SUMF1: variants seen among roughly 807,000 people sequenced by gnomAD.
SUMF1 encodes the protein sulfatase modifying factor 1, also known as formylglycine-generating enzyme.
SUMF1 carries 48 observed loss-of-function variants against 47.6 expected under a neutral mutation model. The ratio of observed to expected loss-of-function variants is 1.01; its 90% CI spans 0.80 to 1.28. The LOEUF is 1.28. SUMF1 is among the 50% of genes most tolerant of loss of function. The probability of loss-of-function intolerance (pLI) is 0.00; values close to 1 mark genes in which losing one functional copy is unlikely to be tolerated. For missense variants in SUMF1, 571 were observed against 485.4 expected (o/e 1.18, Z -1.66); for synonymous variants, 230 against 192.1 (o/e 1.20, Z -1.63).
chr3:4,077,615 A>T (rs1404021970), intron 8 of SUMF1, among the ~76,000 whole-genome samples: 1 of 152,036 alleles, frequency 6.6e-6, no homozygotes, highest in Non-Finnish European at 1.5e-5. Context: ...ATGAGAGCAC[A>T]TGGACACAGG....
At chr3:4,039,040 C>T (rs1459221290) in intron 9 of SUMF1, among the ~76,000 whole-genome samples, 2 of 151,840 alleles carry the variant, frequency 1.3e-5, no homozygotes, top group Non-Finnish European at 2.9e-5. Flanking sequence ...TACCTAAATG[C>T]AACAGCAATG....
intron 8 of SUMF1, among the ~76,000 whole-genome samples, chr3:4,227,494 G>C (rs988483191): frequency 6.6e-6 from 1 of 152,096 alleles, no homozygotes; most frequent in Non-Finnish European, 1.5e-5. Context: ...ATTCTTCCCT[G>C]TTCCTCCCCG....
At chr3:4,168,236 C>T (rs1393993849) in intron 8 of SUMF1, among the ~76,000 whole-genome samples, 1 of 152,154 alleles carries the variant, frequency 6.6e-6, no homozygotes, top group Non-Finnish European at 1.5e-5. Flanking sequence ...CTTTGGAACT[C>T]GTGGACAAAC....
intron 7 of SUMF1, among the ~76,000 whole-genome samples, chr3:4,404,814 A>G (rs1701325066): frequency 6.6e-6 from 1 of 152,156 alleles, no homozygotes; most frequent in South Asian, 2.1e-4. Flanking sequence ...AAGGTCTTAT[A>G]GCAGCGAAAA....
chr3:4,282,764 T>C (rs1194756450), intron 8 of SUMF1, among the ~76,000 whole-genome samples: 1 of 152,200 alleles, frequency 6.6e-6, no homozygotes, highest in African/African-American at 2.4e-5. Flanking sequence ...CTTGTTTTTG[T>C]CCTGCGTCAA....
intron 8 of SUMF1, among the ~76,000 whole-genome samples, chr3:4,149,688 A>G (rs1694274083): frequency 6.6e-6 from 1 of 152,186 alleles, no homozygotes. Context: ...ATCTATGGCC[A>G]TATACTACTA....
At chr3:4,218,564 G>A (rs1274142348) in intron 8 of SUMF1, among the ~76,000 whole-genome samples, 1 of 152,098 alleles carries the variant, frequency 6.6e-6, no homozygotes, top group Non-Finnish European at 1.5e-5. Context: ...AGCCACCTAA[G>A]GTCGCACTAA....
chr3:4,438,047 G>A (rs1007312628), intron 3 of SUMF1, among the ~76,000 whole-genome samples: 1 of 151,804 alleles, frequency 6.6e-6, no homozygotes, highest in Non-Finnish European at 1.5e-5. Flanking sequence ...GTAGATACCA[G>A]ACAAAATAGA....
At chr3:4,283,899 G>C (rs1371548026) in intron 8 of SUMF1, among the ~76,000 whole-genome samples, 1 of 152,124 alleles carries the variant, frequency 6.6e-6, no homozygotes, top group Non-Finnish European at 1.5e-5. Context: ...TGGTAGAAGA[G>C]GTATGGGATC....
At position 4,294,660 on chromosome 3, in the gene SUMF1, C is replaced by T. The variant is rs75745356; in HGVS notation, c.1014+81670G>A. Among the ~76,000 whole-genome samples the T allele has an allele frequency of 3.1e-3, 466 of 152,214 alleles. 3 individuals are homozygous for T. Among genetic ancestry groups the T allele is most frequent in the African/African-American group, 0.011 (454 of 41,522 alleles). Reference sequence around the variant, plus strand: ...TTTTTCCTCCTCTTCACCAATTCCTCTAAGTTGTCAGGCTGCCCAGGTTTC... The same window carrying T: ...TTTTTCCTCCTCTTCACCAATTCCTTTAAGTTGTCAGGCTGCCCAGGTTTC... On this transcript the variant is annotated intron_variant and NMD_transcript_variant, in intron 8 of 12. Coordinates refer to the SUMF1 transcript ENST00000448413.
intron 3 of SUMF1, among the ~76,000 whole-genome samples, chr3:4,442,476 G>C (rs961688097): frequency 2.0e-5 from 3 of 151,454 alleles, no homozygotes; most frequent in Non-Finnish European, 4.4e-5. Flanking sequence ...AGCCGGGATG[G>C]TCTCGATCTC....
intron 8 of SUMF1, chr3:4,316,965 C>T: frequency 6.5e-7 from 1 of 1,549,444 alleles, no homozygotes. Flanking sequence ...CAATGCCCGA[C>T]CGCATGTTGC....
chr3:4,051,144 T>C (rs200777897), intron 9 of SUMF1, among the ~76,000 whole-genome samples: 6 of 144,930 alleles, frequency 4.1e-5, no homozygotes, highest in South Asian at 2.2e-4. Flanking sequence ...AAAAAAAGGG[T>C]GGGGAAAGGA....
At chr3:4,441,445 T>A (rs1159492964) in intron 3 of SUMF1, among the ~76,000 whole-genome samples, 4 of 152,190 alleles carry the variant, frequency 2.6e-5, no homozygotes, top group Non-Finnish European at 4.4e-5. Flanking sequence ...AAATATAATT[T>A]GCTTCAAACA....
chr3:4,353,374 T>G (rs1206054375), intron 8 of SUMF1, among the ~76,000 whole-genome samples: 1 of 152,104 alleles, frequency 6.6e-6, no homozygotes, highest in African/African-American at 2.4e-5. Flanking sequence ...TGCCTCAGCC[T>G]CCCGAGTAGC....
intron 8 of SUMF1, among the ~76,000 whole-genome samples, chr3:4,075,130 CA>C (rs1474719947): frequency 2.0e-5 from 3 of 152,062 alleles, no homozygotes; most frequent in Non-Finnish European, 4.4e-5. Flanking sequence ...AGCAGCACAT[CA>C]AAAAGCTTAT....
At chr3:4,460,444 G>C (rs976400151) in intron 1 of SUMF1, among the ~76,000 whole-genome samples, 1 of 151,792 alleles carries the variant, frequency 6.6e-6, no homozygotes, top group African/African-American at 2.4e-5. Flanking sequence ...AAACATCAGA[G>C]CTCATCTCTC....
At chr3:4,316,438 A>T in intron 8 of SUMF1, 1 of 1,598,292 alleles carries the variant, frequency 6.3e-7, no homozygotes, top group Middle Eastern at 1.7e-4. Flanking sequence ...GACAACGACC[A>T]GTTGAGAGCA....
Position 4,361,661 on chromosome 3 carries a change from A to G in SUMF1, c.*483T>C. On this transcript the variant is annotated 3_prime_UTR_variant, in exon 9 of 9. Coordinates refer to ENST00000272902, the MANE Select transcript of SUMF1 (RefSeq NM_182760.4). ...GTTCACACATGGAAAAAATAGCTAA[A>G]AAATAATCTATAATAAATTCTCACT... 1 of 143,418 alleles carries G rather than the reference A, an allele frequency of 7.0e-6. No homozygotes were observed. 8.9% of individuals were successfully genotyped at this position (143,418 alleles called of 1,614,324 possible). A position where few individuals can be genotyped will look rare whatever the true frequency, so the allele number is the denominator to read the frequency against.
Sources: gnomAD v4.1 joint callset for allele counts (sites outside exome capture counted in the v4.1 genomes callset) on GRCh38, gnomAD v4.1.1 for gene constraint, MANE v1.5 for transcripts, NCBI Gene and HGNC (gene_info 2026-07-23, HGNC 2026-07-21) for gene names.